Variants in ARHGEF11 observed in about 807,000 individuals in gnomAD.
ARHGEF11 encodes the protein Rho guanine exchange factor (GEF) 11.
ARHGEF11 carries 55 observed loss-of-function variants against 193.7 expected under a neutral mutation model. That is an observed-to-expected ratio of 0.28 (90% CI 0.23 to 0.36). ARHGEF11 has a LOEUF of 0.36. Among genes scored for constraint, ARHGEF11 ranks in the 10% least tolerant of loss-of-function variants. ARHGEF11 has a pLI of 1.00. For synonymous variants in ARHGEF11, 693 were observed against 768.0 expected, an observed-to-expected ratio of 0.90 and a Z score of 1.62; for missense variants, 1,723 against 2,005.6, an observed-to-expected ratio of 0.86 and a Z score of 2.69.
At chr1:157,008,005 G>C (rs1015432603) in intron 1 of ARHGEF11, among the ~76,000 whole-genome samples, 3 of 144,942 alleles carry the variant, frequency 2.1e-5, no homozygotes, top group Non-Finnish European at 4.5e-5. Flanking sequence ...CTCCAAAAAT[G>C]CTTATTAAAT....
At chr1:157,005,294 C>T (rs949559042) in intron 1 of ARHGEF11, among the ~76,000 whole-genome samples, 6 of 152,078 alleles carry the variant, frequency 3.9e-5, no homozygotes, top group Non-Finnish European at 7.4e-5. Context: ...CTGGCTGCAT[C>T]CCCCCAACCC....
At chr1:157,006,539 A>C (rs1054929387) in intron 1 of ARHGEF11, among the ~76,000 whole-genome samples, 2 of 152,140 alleles carry the variant, frequency 1.3e-5, no homozygotes, top group Non-Finnish European at 2.9e-5. Flanking sequence ...TGGGCTTAGA[A>C]AAAAAGGGTT....
intron 1 of ARHGEF11, among the ~76,000 whole-genome samples, chr1:156,987,913 C>A (rs1665163821): frequency 1.3e-5 from 2 of 152,176 alleles, no homozygotes; most frequent in Admixed American, 6.5e-5. Context: ...AAGAGTGACC[C>A]AGGGGAGGCA....
chr1:157,044,930 TAATA>T lies in ARHGEF11; in HGVS notation c.-604_-601del, dbSNP rs1673171927. The stretch of plus-strand genomic sequence containing the variant: ...CTTTCGGCTGATTTGTACAGTAAAA[TAATA>T]AATAAAACCATACAATAGTATGTAC... On this transcript the variant is annotated 5_prime_UTR_variant, in exon 1 of 41. It introduces an in-frame stop codon into an upstream open reading frame of the 5' UTR. Coordinates refer to ENST00000368194, the MANE Select transcript of ARHGEF11 (RefSeq NM_198236.3). 6.3e-6 allele frequency: 1 copy of T among 158,178 alleles called. No homozygotes were observed. The allele number at this position is 158,178 out of a possible 1,614,324, so 9.8% of individuals were successfully genotyped here. A position where few individuals can be genotyped will look rare whatever the true frequency, so the allele number is the denominator to read the frequency against.
intron 1 of ARHGEF11, among the ~76,000 whole-genome samples, chr1:157,018,131 A>G (rs899077701): frequency 2.6e-5 from 4 of 152,220 alleles, no homozygotes; most frequent in Admixed American, 2.6e-4. Flanking sequence ...TTGATAAGAA[A>G]TGTATAAGAC....
chr1:156,961,715 C>A lies in ARHGEF11; in HGVS notation c.1201G>T (p.Gly401Trp), dbSNP rs1205145979. Residue 401 changes from glycine to tryptophan, a missense_variant, in exon 14 of 41, where the codon GGG (glycine) becomes TGG (tryptophan). By Grantham distance (184) the Gly-to-Trp change is radical. This residue lies in a region of ARHGEF11 where 646 missense variants were observed against 710.7 expected (regional missense o/e 0.91). Transcript: ENST00000368194. ...QASPKDSRSLGKDIWNIFLEK... is the reference protein window; with the variant it reads ...QASPKDSRSLWKDIWNIFLEK... Reference sequence around the variant, plus strand: ...AGGAAAATATTCCAGATGTCTTTCCCCAAGCTTCGGGAATCCTTGGGGCTT... The same window carrying A: ...AGGAAAATATTCCAGATGTCTTTCCACAAGCTTCGGGAATCCTTGGGGCTT... 6.2e-7 allele frequency: 1 copy of A among 1,614,166 alleles called. No homozygotes were observed. The highest frequency in any genetic ancestry group is 2.2e-5 in the East Asian group (1 of 44,890).
intron 9 of ARHGEF11, 37 bp downstream of exon 9, chr1:156,969,961 G>A (rs1234869186): frequency 6.2e-7 from 1 of 1,609,028 alleles, no homozygotes; most frequent in African/African-American, 1.3e-5. Context: ...CTGGACTAGA[G>A]ATATGCCAGA....
In ARHGEF11 at chr1:157,007,915, TTTTTTTTTTTTTGTC is replaced by T. The variant is rs1557944012; in HGVS notation, c.33-21757_33-21743del. On this transcript the variant is annotated intron_variant, in intron 1 of 40. Coordinates refer to ENST00000368194, the MANE Select transcript of ARHGEF11 (RefSeq NM_198236.3). ...AAGGCAAAGGTTTTTTTTTTTTTGT[TTTTTTTTTTTTTGTC>T]TCTTTTGTTCTCTGTTACAGCTCCA... 7.7e-4 allele frequency among the ~76,000 whole-genome samples: 26 copies of T among 33,846 alleles called. No individual in the cohort carries two copies. In the South Asian group the frequency reaches 0.02, roughly 26 times the overall value. The allele number at this position is 33,846 out of a possible 152,430, so 22.2% of individuals were successfully genotyped here. A position where few individuals can be genotyped will look rare whatever the true frequency, so the allele number is the denominator to read the frequency against.
chr1:156,970,636 G>GC, intron 8 of ARHGEF11, among the ~76,000 whole-genome samples: 1 of 152,272 alleles, frequency 6.6e-6, no homozygotes, highest in East Asian at 1.9e-4. Flanking sequence ...CAACCCTAAG[G>GC]CCAGGGTTGG....
Position 156,996,772 on chromosome 1 carries a change from C to CAA in ARHGEF11, c.33-10601_33-10600dup, listed in dbSNP as rs66730438. 2.4e-3 allele frequency among the ~76,000 whole-genome samples: 92 copies of CAA among 38,430 alleles called. 4 individuals carry two copies. The East Asian group carries it at 0.036, about 15-fold the overall frequency. 25.2% of individuals were successfully genotyped at this position (38,430 alleles called of 152,430 possible). A position where few individuals can be genotyped will look rare whatever the true frequency, so the allele number is the denominator to read the frequency against. On this transcript the variant is annotated intron_variant, in intron 1 of 40. Coordinates refer to ENST00000368194, the MANE Select transcript of ARHGEF11 (RefSeq NM_198236.3). ...TGGGCGACAGAGCGAGACTCTGTCT[C>CAA]AAAAAAAAAAAAAAAAAAAAAAGAC...
intron 1 of ARHGEF11, among the ~76,000 whole-genome samples, chr1:157,014,176 T>C (rs1183741404): frequency 6.6e-6 from 1 of 152,122 alleles, no homozygotes; most frequent in Non-Finnish European, 1.5e-5. Flanking sequence ...AAGCCCACCC[T>C]CTCCCTATCA....
At chr1:156,951,828 A>G (rs2102001237) in intron 21 of ARHGEF11, 129 bp from the exon 22 acceptor site, 1 of 1,227,870 alleles carries the variant, frequency 8.1e-7, no homozygotes, top group Non-Finnish European at 1.2e-6. Context: ...CTGGACCAAG[A>G]GTCAGGAGAT....
chr1:156,968,251 G>T, intron 10 of ARHGEF11, 127 bp from the exon 11 acceptor site: 1 of 1,057,296 alleles, frequency 9.5e-7, no homozygotes, highest in Non-Finnish European at 1.4e-6. Context: ...TACTTGCTCT[G>T]TGCCTGGTAT....
Position 156,939,605 on chromosome 1 carries a change from G to C in ARHGEF11, c.4039C>G (p.Leu1347Val). ...TCTGTGCTTGAAGCATCTTCAGCCA[G>C]ATTCCTGTCCAGTTCTGGAGACTCC... The part of the protein sequence containing the change: ...IWESPELDRN[L>V]AEDASSTEAA... The change falls in exon 37 of 41, where the codon CTG (leucine) becomes GTG (valine). Residue 1347 changes from leucine (L) to valine (V), a missense_variant. Leu to Val is a conservative substitution (Grantham distance 32). Coordinates refer to ENST00000368194, the MANE Select transcript of ARHGEF11 (RefSeq NM_198236.3). 1 of 1,613,426 alleles carries C rather than the reference G, an allele frequency of 6.2e-7. No individual in the cohort carries two copies. Among genetic ancestry groups the C allele is most frequent in the Non-Finnish European group, 8.5e-7 (1 of 1,180,028 alleles).
intron 22 of ARHGEF11, among the ~76,000 whole-genome samples, chr1:156,950,649 GA>G (rs953834834): frequency 6.6e-5 from 10 of 150,416 alleles, no homozygotes; most frequent in African/African-American, 1.7e-4. Context: ...CTTTAAAAAA[GA>G]AAAAAAAATC....
chr1:156,976,942 C>T (rs1663345603), intron 7 of ARHGEF11, 41 bp downstream of exon 7: 2 of 1,549,358 alleles, frequency 1.3e-6, no homozygotes, highest in Non-Finnish European at 1.8e-6. Context: ...AGTATTATTT[C>T]ACTCAGGCAA....
At chr1:156,941,155 T>C (rs956312626) in intron 35 of ARHGEF11, among the ~76,000 whole-genome samples, 1 of 152,192 alleles carries the variant, frequency 6.6e-6, no homozygotes, top group Non-Finnish European at 1.5e-5. Context: ...TGGGAATTTC[T>C]GGTCAGGTGA....
intron 40 of ARHGEF11, 28 bp from the exon 41 acceptor site, chr1:156,936,086 C>T: frequency 6.2e-7 from 1 of 1,612,210 alleles, no homozygotes; most frequent in Non-Finnish European, 8.5e-7. Flanking sequence ...AGGTGAGGAA[C>T]TGGCCAGCCT....
intron 1 of ARHGEF11, among the ~76,000 whole-genome samples, chr1:157,013,299 A>ACACACACACACACACACACACACACAC (rs534893600): frequency 1.3e-5 from 2 of 148,624 alleles, no homozygotes; most frequent in African/African-American, 2.5e-5. Flanking sequence ...ACACACACAC[A>ACACACACACACACACACACACACACAC]CCAAGAACCT....
Sources: allele counts gnomAD v4.1 joint callset (sites outside exome capture counted in the v4.1 genomes callset), GRCh38; gene constraint gnomAD v4.1.1; regional missense constraint gnomAD v4.1.1; transcripts MANE v1.5; gene names NCBI Gene and HGNC (gene_info 2026-07-23, HGNC 2026-07-21).